LY96: variants seen among roughly 807,000 people sequenced by gnomAD.
LY96 encodes lymphocyte antigen 96, also known as myeloid differentiation protein-2.
Under a neutral mutation model 18.9 loss-of-function variants are expected in LY96, and 18 were observed. That is an observed-to-expected ratio of 0.95 (90% CI 0.66 to 1.41). LY96 has a LOEUF of 1.41. Among genes scored for constraint, LY96 ranks in the 40% most tolerant of loss-of-function variants. LY96 has a pLI of 0.00. For missense variants in LY96, 175 were observed against 182.4 expected (o/e 0.96, Z 0.23); for synonymous variants, 66 against 62.6 (o/e 1.06, Z -0.26).
chr8:74,086,127 A>T, the LY96 span, among the ~76,000 whole-genome samples: 1 of 152,118 alleles, frequency 6.6e-6, no homozygotes, highest in African/African-American at 2.4e-5. Context: ...TATAAGTGAA[A>T]TCTTTCCTGG....
chr8:74,072,138 C>T, the LY96 span, among the ~76,000 whole-genome samples: 2 of 152,018 alleles, frequency 1.3e-5, no homozygotes, highest in African/African-American at 2.4e-5. Flanking sequence ...ACTCTACCAT[C>T]CATTGATCTA....
At chr8:74,001,978 CCCTCCCTCCCTCCCTCCTTT>C (rs1563710450) in intron 1 of LY96, among the ~76,000 whole-genome samples, 2 of 125,998 alleles carry the variant, frequency 1.6e-5, no homozygotes, top group Admixed American at 8.0e-5. Flanking sequence ...TTCCTTCCTT[CCCTCCCTCCCTCCCTCCTTT>C]CTTCCTTTCT....
downstream of LY96, among the ~76,000 whole-genome samples, chr8:74,029,441 T>G (rs561065761): frequency 3.3e-5 from 5 of 152,276 alleles, no homozygotes; most frequent in Admixed American, 2.6e-4. Context: ...AATTGAATCA[T>G]GGGGATGGTT....
chr8:74,028,297 A>G (rs1392282790), intron 4 of LY96, among the ~76,000 whole-genome samples: 2 of 152,186 alleles, frequency 1.3e-5, no homozygotes, highest in Admixed American at 6.5e-5. Context: ...TGCACAAAAC[A>G]TAGCATTTTT....
At chr8:73,999,400 C>T (rs1816217928) in intron 1 of LY96, among the ~76,000 whole-genome samples, 1 of 152,152 alleles carries the variant, frequency 6.6e-6, no homozygotes, top group Non-Finnish European at 1.5e-5. Flanking sequence ...TGAGTAGCTA[C>T]AGGCATGTGC....
the LY96 span, among the ~76,000 whole-genome samples, chr8:74,081,798 T>C: frequency 6.6e-6 from 1 of 152,138 alleles, no homozygotes; most frequent in Admixed American, 6.5e-5. Flanking sequence ...GGGCTACAGG[T>C]GTGCACCACC....
At chr8:74,027,592 T>C (rs2131286491) in intron 4 of LY96, among the ~76,000 whole-genome samples, 1 of 152,262 alleles carries the variant, frequency 6.6e-6, no homozygotes, top group Non-Finnish European at 1.5e-5. Context: ...GGCTGCCATT[T>C]CTCGCAGCCC....
the LY96 span, among the ~76,000 whole-genome samples, chr8:74,087,453 A>T: frequency 6.6e-6 from 1 of 152,208 alleles, no homozygotes; most frequent in South Asian, 2.1e-4. Flanking sequence ...AAGCCTCAGA[A>T]AAGCCACCAA....
chr8:74,032,843 C>G (rs1010903870), downstream of LY96, among the ~76,000 whole-genome samples: 1 of 152,200 alleles, frequency 6.6e-6, no homozygotes, highest in Non-Finnish European at 1.5e-5. Flanking sequence ...TCCAAATACA[C>G]AGGAGGTGAT....
the LY96 span, among the ~76,000 whole-genome samples, chr8:74,089,189 T>C: frequency 2.0e-5 from 3 of 152,206 alleles, no homozygotes; most frequent in Admixed American, 2.0e-4. Flanking sequence ...TTGTGACTTA[T>C]CAAAAGGGCC....
the LY96 span, among the ~76,000 whole-genome samples, chr8:74,067,799 C>T: frequency 0.056 from 8,573 of 152,038 alleles, 320 homozygotes; most frequent in African/African-American, 0.11. Context: ...CAGTGACTTA[C>T]GCCTATAATC....
the LY96 span, among the ~76,000 whole-genome samples, chr8:74,085,569 C>A: frequency 6.6e-6 from 1 of 152,216 alleles, no homozygotes; most frequent in African/African-American, 2.4e-5. Context: ...GATGCCTTTG[C>A]CGCAGCCAGC....
chr8:74,054,852 A>G, the LY96 span, among the ~76,000 whole-genome samples: 17 of 150,740 alleles, frequency 1.1e-4, no homozygotes, highest in African/African-American at 3.9e-4. Context: ...ATTGTTTTCT[A>G]TATTGCCCAG....
intron 1 of LY96, among the ~76,000 whole-genome samples, chr8:73,996,360 CCTTCCTTCATTCCTTTCTTTCTTT>C (rs1816129701): frequency 8.6e-6 from 1 of 116,728 alleles, no homozygotes; most frequent in African/African-American, 3.2e-5. Flanking sequence ...TTCCTTCCTT[CCTTCCTTCATTCCTTTCTTTCTTT>C]CTTTCTTTCT....
the LY96 span, among the ~76,000 whole-genome samples, chr8:74,041,736 A>G: frequency 6.6e-6 from 1 of 152,242 alleles, no homozygotes; most frequent in Non-Finnish European, 1.5e-5. Flanking sequence ...ATTTGAGGTC[A>G]GACCGGTTCT....
At chr8:74,060,163 G>C in the LY96 span, among the ~76,000 whole-genome samples, 1 of 140,786 alleles carries the variant, frequency 7.1e-6, no homozygotes, top group Admixed American at 7.9e-5. Flanking sequence ...CAACAACGAC[G>C]ACGACGACGA....
At chr8:74,033,312 C>G (rs11997436), downstream of LY96, among the ~76,000 whole-genome samples, 1 of 151,924 alleles carries the variant, frequency 6.6e-6, no homozygotes, top group African/African-American at 2.4e-5. Context: ...AAAACAAAGG[C>G]CTTTAAAACA....
chr8:73,998,350 A>T (rs542785483), intron 1 of LY96, among the ~76,000 whole-genome samples: 1 of 151,934 alleles, frequency 6.6e-6, no homozygotes, highest in East Asian at 1.9e-4. Flanking sequence ...TTCTGTACAC[A>T]TTTTATAGTT....
At chr8:73,996,381 CTTTCTTTCTTTCTTTCTTTCTTT>C (rs1816140331) in intron 1 of LY96, among the ~76,000 whole-genome samples, 22 of 42,290 alleles carry the variant, frequency 5.2e-4, no homozygotes, top group Non-Finnish European at 6.8e-4. Context: ...TCCTTTCTTT[CTTTCTTTCTTTCTTTCTTTCTTT>C]CTTTCTTTCT....
Sources: allele counts gnomAD v4.1 joint callset (sites outside exome capture counted in the v4.1 genomes callset), GRCh38; gene constraint gnomAD v4.1.1; transcripts MANE v1.5; gene names NCBI Gene and HGNC (gene_info 2026-07-23, HGNC 2026-07-21).